Variants in DGKI observed in about 807,000 individuals in gnomAD.
DGKI encodes the protein DAG kinase iota.
DGKI carries 55 observed loss-of-function variants against 147.5 expected under a neutral mutation model. The ratio of observed to expected loss-of-function variants is 0.37; its 90% CI spans 0.30 to 0.47. DGKI has a LOEUF of 0.47. DGKI is among the 20% of genes least tolerant of loss of function. The pLI, the probability that DGKI is intolerant of heterozygous loss-of-function variation, is 1.00. For synonymous variants in DGKI, 469 were observed against 477.1 expected (o/e 0.98, Z 0.22); for missense variants, 1,007 against 1,323.8 (o/e 0.76, Z 3.71).
intron 1 of DGKI, chr7:137,721,916 G>C: frequency 1.0e-6 from 1 of 955,634 alleles, no homozygotes; most frequent in Non-Finnish European, 1.5e-6. Flanking sequence ...CCTCCATCAA[G>C]CCAGCTAATA....
rs879359264 is a variant in DGKI at position 137,811,364 on chromosome 7, C to CCT, written c.401+35096_401+35097dup. On this transcript the variant is annotated intron_variant, in intron 1 of 32. Coordinates refer to ENST00000614521, the MANE Select transcript of DGKI (RefSeq NM_001321708.2). ...CTCTCTTTCTCTCTCTCTCTCTCTC[C>CCT]CTCTCTCTCTCTCTCTCTCTCACAC... Among the ~76,000 whole-genome samples, 661 of 137,800 alleles carry CCT rather than the reference C, an allele frequency of 4.8e-3. 3 individuals carry two copies. Among genetic ancestry groups the CCT allele is most frequent in the African/African-American group, 9.8e-3 (357 of 36,334 alleles). The allele number at this position is 137,800 out of a possible 152,430, so 90.4% of individuals were successfully genotyped here.
intron 1 of DGKI, among the ~76,000 whole-genome samples, chr7:137,741,746 T>C (rs1449175550): frequency 6.6e-6 from 1 of 152,144 alleles, no homozygotes; most frequent in Admixed American, 6.5e-5. Context: ...GTTAAGATAA[T>C]TCTCTCAACA....
At chr7:137,494,996 AC>A (rs2128939574) in intron 21 of DGKI, among the ~76,000 whole-genome samples, 1 of 152,244 alleles carries the variant, frequency 6.6e-6, no homozygotes, top group African/African-American at 2.4e-5. Flanking sequence ...AGGGGTTGCT[AC>A]CATAATTTCA....
chr7:137,458,083 A>G (rs943187752), intron 27 of DGKI, among the ~76,000 whole-genome samples: 5 of 152,172 alleles, frequency 3.3e-5, no homozygotes, highest in Admixed American at 2.6e-4. Context: ...CTTTAGTTGT[A>G]TATCTTCAGT....
chr7:137,810,264 A>C (rs1399181225), intron 1 of DGKI, among the ~76,000 whole-genome samples: 1 of 152,242 alleles, frequency 6.6e-6, no homozygotes, highest in African/African-American at 2.4e-5. Flanking sequence ...GTTCCCTACC[A>C]ATCAATGGAT....
intron 20 of DGKI, among the ~76,000 whole-genome samples, chr7:137,546,872 C>T (rs1817885828): frequency 6.6e-6 from 1 of 152,208 alleles, no homozygotes; most frequent in African/African-American, 2.4e-5. Flanking sequence ...GTGTTATCCT[C>T]CAAGTACTAT....
chr7:137,741,267 C>T (rs1388889639), intron 1 of DGKI, among the ~76,000 whole-genome samples: 1 of 152,250 alleles, frequency 6.6e-6, no homozygotes, highest in African/African-American at 2.4e-5. Flanking sequence ...GTCAGGTGCG[C>T]TCTTCCGTAC....
At chr7:137,640,688 G>T (rs1563127250) in intron 6 of DGKI, among the ~76,000 whole-genome samples, 2 of 152,066 alleles carry the variant, frequency 1.3e-5, no homozygotes, top group Admixed American at 1.3e-4. Flanking sequence ...TTTATACTCT[G>T]TAATCCCTTT....
intron 28 of DGKI, among the ~76,000 whole-genome samples, chr7:137,430,722 C>A (rs1236981276): frequency 6.6e-6 from 1 of 151,964 alleles, no homozygotes; most frequent in African/African-American, 2.4e-5. Flanking sequence ...CGAAGATTCG[C>A]ATTGGTAGAA....
chr7:137,586,405 C>T (rs780802155), intron 13 of DGKI, among the ~76,000 whole-genome samples: 6 of 150,062 alleles, frequency 4.0e-5, no homozygotes, highest in African/African-American at 9.8e-5. Flanking sequence ...TTTAGCCTGG[C>T]GACACAACAA....
chr7:137,401,837 A>T (rs556572080), intron 30 of DGKI, among the ~76,000 whole-genome samples: 82 of 152,372 alleles, frequency 5.4e-4, no homozygotes, highest in Non-Finnish European at 9.6e-4. Context: ...TTTCTCCATG[A>T]AAATTTCAGA....
At position 137,381,297 on chromosome 7, in the gene DGKI, C is replaced by T. The variant is rs1216855209; in HGVS notation, c.*9923G>A. 9.3e-6 allele frequency: 1 copy of T among 107,948 alleles called. No individual in the cohort carries two copies. The highest frequency in any genetic ancestry group is 1.0e-4 in the Admixed American group (1 of 9,558). 6.7% of individuals were successfully genotyped at this position (107,948 alleles called of 1,614,324 possible). On this transcript the variant is annotated 3_prime_UTR_variant, in exon 33 of 33. Coordinates refer to ENST00000614521, the MANE Select transcript of DGKI (RefSeq NM_001321708.2). ...TTCCCTTTCCCATCCCACCCCCCCC[C>T]CCCCACCCACCCTCCCTCCACTTCG...
At chr7:137,728,029 A>G (rs1318542813) in intron 1 of DGKI, among the ~76,000 whole-genome samples, 2 of 152,222 alleles carry the variant, frequency 1.3e-5, no homozygotes, top group East Asian at 1.9e-4. Flanking sequence ...TGAGAAACAA[A>G]GAAAAAAATG....
chr7:137,521,478 G>A (rs552857466), intron 21 of DGKI, among the ~76,000 whole-genome samples: 7 of 152,178 alleles, frequency 4.6e-5, no homozygotes, highest in Non-Finnish European at 7.4e-5. Flanking sequence ...TCTCTGTGAC[G>A]AATGAGGGCA....
intron 1 of DGKI, among the ~76,000 whole-genome samples, chr7:137,833,797 CT>C (rs1215003362): frequency 1.3e-5 from 2 of 152,178 alleles, no homozygotes; most frequent in African/African-American, 4.8e-5. Flanking sequence ...TTCCAAAGGC[CT>C]CATTGGTTAC....
At position 137,389,206 on chromosome 7, in the gene DGKI, T is replaced by G. The variant is rs1811272052; in HGVS notation, c.*2014A>C. 1 of 152,186 alleles carries G rather than the reference T, an allele frequency of 6.6e-6. No homozygotes were observed. Among genetic ancestry groups the G allele is most frequent in the African/African-American group, 2.4e-5 (1 of 41,446 alleles). The allele number at this position is 152,186 out of a possible 1,614,324, so 9.4% of individuals were successfully genotyped here. A position where few individuals can be genotyped will look rare whatever the true frequency, so the allele number is the denominator to read the frequency against. ...TGATTAAATTCTCCTGGAGCATATT[T>G]TTCCAGCTTCTGGAAACAATCTGCT... On this transcript the variant is annotated 3_prime_UTR_variant, in exon 33 of 33. Transcript: ENST00000614521.
chr7:137,429,632 G>C (rs1188293628), intron 28 of DGKI, among the ~76,000 whole-genome samples: 1 of 151,820 alleles, frequency 6.6e-6, no homozygotes. Context: ...CAAAATGGGA[G>C]AAAATTTTCA....
chr7:137,725,892 G>A (rs559469028), intron 1 of DGKI, among the ~76,000 whole-genome samples: 23 of 152,006 alleles, frequency 1.5e-4, no homozygotes, highest in African/African-American at 5.1e-4. Context: ...GATTTCTTTC[G>A]TTTTCTTTTT....
intron 7 of DGKI, among the ~76,000 whole-genome samples, chr7:137,620,613 T>C (rs371236417): frequency 6.6e-6 from 1 of 152,146 alleles, no homozygotes; most frequent in African/African-American, 2.4e-5. Context: ...AATGACCCTA[T>C]TACTCTTGGC....
Sources: gnomAD v4.1 joint callset for allele counts (sites outside exome capture counted in the v4.1 genomes callset) on GRCh38, gnomAD v4.1.1 for gene constraint, MANE v1.5 for transcripts, NCBI Gene and HGNC (gene_info 2026-07-23, HGNC 2026-07-21) for gene names.